Variants in FAXC observed in about 807,000 individuals in gnomAD.
FAXC encodes the protein failed axon connections homolog, metaxin like GST domain containing.
A neutral mutation model predicts 41.9 loss-of-function variants in FAXC; 10 were observed. The observed-to-expected ratio is 0.24, with a 90% confidence interval of 0.15 to 0.41. FAXC has a LOEUF of 0.41. Among genes scored for constraint, FAXC ranks in the 10% least tolerant of loss-of-function variants. FAXC has a pLI of 1.00. For missense variants in FAXC, 399 were observed against 510.9 expected, an observed-to-expected ratio of 0.78 and a Z score of 2.11; for synonymous variants, 183 against 183.8, an observed-to-expected ratio of 1.00 and a Z score of 0.03.
intron 1 of FAXC, 97 bp from the exon 2 acceptor site, chr6:99,343,130 A>G (rs1362911445): frequency 9.2e-7 from 1 of 1,091,636 alleles, no homozygotes; most frequent in Non-Finnish European, 1.3e-6. Context: ...GTAGCTCCTC[A>G]ATGAACAAGC....
At position 99,318,306 on chromosome 6, in the gene FAXC, C is replaced by CACAAAAAAA. The variant is rs147852055; in HGVS notation, c.823+5137_823+5138insTTTTTTTGT. Among the ~76,000 whole-genome samples, 15 of 135,314 alleles carry CACAAAAAAA rather than the reference C, an allele frequency of 1.1e-4. No homozygotes were observed. In the South Asian group the frequency reaches 2.2e-3, roughly 20 times the overall value. The allele number at this position is 135,314 out of a possible 152,430, so 88.8% of individuals were successfully genotyped here. A position where few individuals can be genotyped will look rare whatever the true frequency, so the allele number is the denominator to read the frequency against. On this transcript the variant is annotated intron_variant, in intron 4 of 5. Transcript: ENST00000389677. ...ACACACACACACACACACACACACA[C>CACAAAAAAA]AAAATAGAAGAAATGGAAAATATAT...
chr6:99,325,099 GGTTT>G (rs1209748892), intron 3 of FAXC, among the ~76,000 whole-genome samples: 1 of 60,706 alleles, frequency 1.6e-5, no homozygotes, highest in Non-Finnish European at 3.7e-5. Context: ...CAATTTTTAA[GGTTT>G]GTTTTTTTTT....
At chr6:99,333,175 C>T (rs1487235664) in intron 3 of FAXC, among the ~76,000 whole-genome samples, 176 bp downstream of exon 3, 1 of 152,184 alleles carries the variant, frequency 6.6e-6, no homozygotes, top group Non-Finnish European at 1.5e-5. Context: ...TTTGCTGACC[C>T]CTGGTCTAGG....
intron 4 of FAXC, among the ~76,000 whole-genome samples, chr6:99,294,422 G>A (rs533973885): frequency 4.7e-4 from 72 of 152,322 alleles, no homozygotes; most frequent in African/African-American, 1.7e-3. Context: ...TGGCCAGGTG[G>A]CCAAACAGTC....
At chr6:99,345,184 G>A (rs1773550119) in intron 1 of FAXC, among the ~76,000 whole-genome samples, 1 of 152,080 alleles carries the variant, frequency 6.6e-6, no homozygotes, top group Admixed American at 6.6e-5. Flanking sequence ...TCGGTTAATC[G>A]TATTAAAACT....
In FAXC at chr6:99,280,012, G is replaced by C. The variant is rs895175144; in HGVS notation, c.*1152C>G. On this transcript the variant is annotated 3_prime_UTR_variant, in exon 6 of 6. Transcript: ENST00000389677. ...CAGGCTTCTGCTTATAAAAATCAAT[G>C]AAATACTTTCCCTTCAACTCTATGA... 1 of 152,152 alleles carries C rather than the reference G, an allele frequency of 6.6e-6. No individual in the cohort carries two copies. The highest frequency in any genetic ancestry group is 2.4e-5 in the African/African-American group (1 of 41,430). 9.4% of individuals were successfully genotyped at this position (152,152 alleles called of 1,614,324 possible).
chr6:99,315,570 G>A (rs79840538), intron 4 of FAXC, among the ~76,000 whole-genome samples: 3 of 152,174 alleles, frequency 2.0e-5, no homozygotes, highest in Non-Finnish European at 2.9e-5. Flanking sequence ...TTACCCTTCT[G>A]CCTGAATTCT....
chr6:99,348,134 G>C (rs1467436816), intron 1 of FAXC, among the ~76,000 whole-genome samples: 1 of 152,106 alleles, frequency 6.6e-6, no homozygotes, highest in African/African-American at 2.4e-5. Flanking sequence ...CTATTGTGTA[G>C]GATTCCTCCA....
At position 99,343,015 on chromosome 6, in the gene FAXC, G is replaced by A; in HGVS notation, c.285C>T (p.Asp95=). 1 of 1,607,188 alleles carries A rather than the reference G, an allele frequency of 6.2e-7. No individual in the cohort carries two copies. The highest frequency in any genetic ancestry group is 8.5e-7 in the Non-Finnish European group (1 of 1,178,292). ...GATGCAAAATAATAGCATCTTTAGA[G>A]TCAATCTCTTGCTGTTTCCTGTCAA... The part of the protein sequence containing the change: ...LLVIRKQQEI[D]SKDAIILHQF... Residue 95 remains aspartate, a synonymous_variant, in exon 2 of 6, where the codon GAC becomes GAT. Coordinates refer to ENST00000389677, the MANE Select transcript of FAXC (RefSeq NM_032511.4).
chr6:99,294,827 T>TA (rs909357759), intron 4 of FAXC, among the ~76,000 whole-genome samples: 17 of 151,392 alleles, frequency 1.1e-4, no homozygotes, highest in African/African-American at 2.9e-4. Context: ...AAAAAATGAT[T>TA]AAAAAAATCA....
At chr6:99,290,132 C>CAT (rs1416819668) in intron 5 of FAXC, among the ~76,000 whole-genome samples, 10 of 151,478 alleles carry the variant, frequency 6.6e-5, no homozygotes, top group African/African-American at 2.4e-4. Flanking sequence ...CACACACACA[C>CAT]ACACATACAC....
intron 4 of FAXC, among the ~76,000 whole-genome samples, chr6:99,299,935 G>A (rs1057229156): frequency 6.6e-6 from 1 of 152,060 alleles, no homozygotes; most frequent in Non-Finnish European, 1.5e-5. Flanking sequence ...ATAAAGGTGG[G>A]TGGAGAAAAT....
At chr6:99,304,795 G>C (rs1388433796) in intron 4 of FAXC, among the ~76,000 whole-genome samples, 1 of 152,136 alleles carries the variant, frequency 6.6e-6, no homozygotes, top group African/African-American at 2.4e-5. Context: ...AGAAAGTAGG[G>C]GAGGGGAGGA....
At chr6:99,327,218 G>C (rs1772847682) in intron 3 of FAXC, among the ~76,000 whole-genome samples, 1 of 152,188 alleles carries the variant, frequency 6.6e-6, no homozygotes. Context: ...GTTGAGGCCA[G>C]TGAAATGTGT....
chr6:99,343,147 G>GT, intron 1 of FAXC, 114 bp from the exon 2 acceptor site: 2 of 909,312 alleles, frequency 2.2e-6, no homozygotes, highest in Non-Finnish European at 3.2e-6. Context: ...AAGCAGATCT[G>GT]TTTGTCACAG....
chr6:99,347,289 C>A (rs1303762838), intron 1 of FAXC, among the ~76,000 whole-genome samples: 2 of 151,896 alleles, frequency 1.3e-5, no homozygotes, highest in Non-Finnish European at 2.9e-5. Flanking sequence ...GTAATCCCAG[C>A]TACTCAGGAG....
chr6:99,328,320 TG>T (rs1236849071), intron 3 of FAXC, among the ~76,000 whole-genome samples: 1 of 152,186 alleles, frequency 6.6e-6, no homozygotes, highest in African/African-American at 2.4e-5. Flanking sequence ...CCCTCATAAA[TG>T]GGATGAGTGC....
At chr6:99,282,240 C>A (rs961845783) in intron 5 of FAXC, among the ~76,000 whole-genome samples, 1 of 152,102 alleles carries the variant, frequency 6.6e-6, no homozygotes, top group Non-Finnish European at 1.5e-5. Context: ...AAAAATACGT[C>A]AAACTGTTGG....
At chr6:99,333,817 G>A (rs1388916893) in intron 2 of FAXC, among the ~76,000 whole-genome samples, 1 of 152,278 alleles carries the variant, frequency 6.6e-6, no homozygotes, top group East Asian at 1.9e-4. Context: ...GACCCCAGGG[G>A]CAAGGGATGA....
Sources: allele counts gnomAD v4.1 joint callset (sites outside exome capture counted in the v4.1 genomes callset), GRCh38; gene constraint gnomAD v4.1.1; transcripts MANE v1.5; gene names NCBI Gene and HGNC (gene_info 2026-07-23, HGNC 2026-07-21).